The following DDB1 variants were observed in gnomAD, a reference collection of about 807,000 sequenced individuals.
DDB1 encodes the protein damage specific DNA binding protein 1, also known as DNA damage-binding protein 1.
A neutral mutation model predicts 133.1 loss-of-function variants in DDB1; 18 were observed. That is an observed-to-expected ratio of 0.14 (90% CI 0.09 to 0.20). The LOEUF is 0.20. Ranked by LOEUF, DDB1 falls within the 10% of genes least tolerant of loss-of-function variation. DDB1 has a pLI of 1.00. For missense variants in DDB1, 828 were observed against 1,459.2 expected (o/e 0.57, Z 7.05); for synonymous variants, 580 against 550.5 (o/e 1.05, Z -0.75).
At chr11:61,307,096 C>T (rs764626245) in intron 21 of DDB1, among the ~76,000 whole-genome samples, 1 of 152,232 alleles carries the variant, frequency 6.6e-6, no homozygotes, top group Non-Finnish European at 1.5e-5. Context: ...GATCCCACCT[C>T]CTTTTGCCTG....
intron 12 of DDB1, 172 bp from the exon 13 acceptor site, chr11:61,314,658 G>C: frequency 3.0e-6 from 2 of 663,420 alleles, no homozygotes; most frequent in Non-Finnish European, 4.8e-6. Flanking sequence ...ATTTTTGCAT[G>C]AATGCCTGAA....
chr11:61,309,118 C>G (rs1855920339), intron 20 of DDB1, 41 bp from the exon 21 acceptor site: 2 of 1,575,192 alleles, frequency 1.3e-6, no homozygotes, highest in East Asian at 4.5e-5. Context: ...TATGAGCCCA[C>G]ACTTTACCTC....
chr11:61,311,626 TGCC>T (rs1855972979), intron 18 of DDB1, among the ~76,000 whole-genome samples, 155 bp downstream of exon 18: 1 of 152,222 alleles, frequency 6.6e-6, no homozygotes, highest in Non-Finnish European at 1.5e-5. Context: ...GCTCACCTGT[TGCC>T]TACAGCTGCT....
rs758372418 is a variant in DDB1 at position 61,316,481 on chromosome 11, C to A, written c.1301+11G>T. The A allele has an allele frequency of 8.7e-6, 14 of 1,614,060 alleles. No individual in the cohort carries two copies. Among genetic ancestry groups the A allele is most frequent in the Non-Finnish European group, 1.2e-5 (14 of 1,180,034 alleles). ...ACCAGCACCTACAGCTGGCACTAGA[C>A]CCATCCTTACCTTGTCTGGCCCACA... On this transcript the variant is annotated intron_variant, in intron 11 of 26. Transcript: ENST00000301764.
chr11:61,317,037 T>TG (rs1437169384), intron 10 of DDB1, among the ~76,000 whole-genome samples: 2 of 133,622 alleles, frequency 1.5e-5, no homozygotes, highest in Non-Finnish European at 3.2e-5. Context: ...GGCTGGAACA[T>TG]GGAGTCCTGA....
rs537325146 is a variant in DDB1, at chr11:61,300,083, G to A, written c.*53C>T. On this transcript the variant is annotated 3_prime_UTR_variant, in exon 27 of 27. Transcript: ENST00000301764. ...GACGATGGTGGAGAGGAGGGGGAGG[G>A]CAGCAGGGCAAAGCCTTTGGGGAGG... 36 of 1,573,746 alleles carry A rather than the reference G, an allele frequency of 2.3e-5. No individual in the cohort carries two copies. In the African/African-American group the frequency reaches 4.4e-4, roughly 19 times the overall value.
chr11:61,305,178 G>T (rs1328983006), intron 21 of DDB1, among the ~76,000 whole-genome samples: 1 of 152,180 alleles, frequency 6.6e-6, no homozygotes, highest in African/African-American at 2.4e-5. Flanking sequence ...AAGAACCCTA[G>T]CTACACAGGA....
chr11:61,323,315 T>C, intron 7 of DDB1: 2 of 558,476 alleles, frequency 3.6e-6, no homozygotes, highest in Non-Finnish European at 6.4e-6. Flanking sequence ...AAATCTATAA[T>C]TTGTCTTGCA....
Position 61,332,898 on chromosome 11 carries a change from G to A in DDB1, c.61+10C>T. 6.8e-7 allele frequency: 1 copy of A among 1,480,068 alleles called. No individual in the cohort carries two copies. The highest frequency in any genetic ancestry group is 2.8e-5 in the East Asian group (1 of 35,974). 91.7% of individuals were successfully genotyped at this position (1,480,068 alleles called of 1,614,324 possible). On this transcript the variant is annotated intron_variant, in intron 1 of 26. Transcript: ENST00000301764. ...TCACTCGCCGGGGTCTCCGGCCCCG[G>A]CAGCCTCACCGGTCACGCAGCCGTT...
intron 1 of DDB1, 29 bp downstream of exon 1, chr11:61,332,879 G>T (rs1590705675): frequency 6.8e-7 from 1 of 1,462,234 alleles, no homozygotes; most frequent in Non-Finnish European, 9.1e-7. Context: ...TCCCTCACTC[G>T]CCGGGGTCTC....
In DDB1 at chr11:61,321,540, C is replaced by T; in HGVS notation, c.1225+55G>A. On this transcript the variant is annotated intron_variant, in intron 10 of 26. Transcript: ENST00000301764. ...ACCAAAACGCCTTCACAACATGTAA[C>T]AAGGCCAAAGTCCCTCATGTAAGAT... 4 of 1,557,810 alleles carry T rather than the reference C, an allele frequency of 2.6e-6. No homozygotes were observed. The South Asian group carries it at 4.5e-5, about 17-fold the overall frequency.
In DDB1 at chr11:61,312,073, G is replaced by C; in HGVS notation, c.2081C>G (p.Ala694Gly). ...SDGYPDSLAL[A>G]NNSTLTIGTI... ...GCCAATGGTGAGGGTGCTATTGTTG[G>C]CCAGCGCCAGGCTGGAAAGAAGGGT... Residue 694 changes from alanine (A) to glycine (G), a missense_variant, in exon 17 of 27, where the codon GCC (alanine) becomes GGC (glycine). By Grantham distance (60) the Ala-to-Gly change is moderately conservative (BLOSUM62 0). Around this residue, in one of 7 missense-constraint regions of DDB1, gnomAD observed 396 missense variants for 554.1 expected, o/e 0.71. Coordinates refer to ENST00000301764, the MANE Select transcript of DDB1 (RefSeq NM_001923.5). The C allele has an allele frequency of 6.2e-7, 1 of 1,614,210 alleles. No individual in the cohort carries two copies. The highest frequency in any genetic ancestry group is 8.5e-7 in the Non-Finnish European group (1 of 1,180,024).
At chr11:61,300,591 G>C (rs28720359) in intron 26 of DDB1, among the ~76,000 whole-genome samples, 46 of 152,348 alleles carry the variant, frequency 3.0e-4, no homozygotes, top group African/African-American at 1.1e-3. Context: ...AACATGGGTA[G>C]AGTTACTAGC....
chr11:61,326,964 G>T, intron 4 of DDB1, 71 bp from the exon 5 acceptor site: 2 of 1,118,334 alleles, frequency 1.8e-6, no homozygotes, highest in Non-Finnish European at 2.7e-6. Context: ...GTGCTGTAAG[G>T]AATAAGCCAC....
intron 4 of DDB1, among the ~76,000 whole-genome samples, chr11:61,329,041 T>C (rs1301819280): frequency 1.3e-5 from 2 of 152,178 alleles, no homozygotes; most frequent in African/African-American, 2.4e-5. Flanking sequence ...TAAGTTTTAA[T>C]AATCCCCTAG....
At chr11:61,312,624 GT>G (rs950118938) in intron 16 of DDB1, among the ~76,000 whole-genome samples, 4 of 147,944 alleles carry the variant, frequency 2.7e-5, no homozygotes, top group Non-Finnish European at 5.9e-5. Context: ...TTTTAAGACA[GT>G]TTTTTTTCTT....
At chr11:61,324,776 G>T (rs977664242) in intron 6 of DDB1, among the ~76,000 whole-genome samples, 2 of 152,060 alleles carry the variant, frequency 1.3e-5, no homozygotes, top group East Asian at 1.9e-4. Flanking sequence ...TGACATTTTT[G>T]ACTTTCTTAG....
At chr11:61,316,966 T>TATATAC (rs1856089857) in intron 10 of DDB1, among the ~76,000 whole-genome samples, 1 of 28,882 alleles carries the variant, frequency 3.5e-5, no homozygotes, top group African/African-American at 1.1e-4. Flanking sequence ...TATATATATA[T>TATATAC]ATATATATAT....
At chr11:61,327,340 G>A (rs764787959) in intron 4 of DDB1, among the ~76,000 whole-genome samples, 7 of 151,968 alleles carry the variant, frequency 4.6e-5, no homozygotes, top group Admixed American at 1.3e-4. Context: ...ATGGGGGCGC[G>A]TGCCTACAGT....
Sources: gnomAD v4.1 joint callset for allele counts (sites outside exome capture counted in the v4.1 genomes callset) on GRCh38, gnomAD v4.1.1 for gene constraint, gnomAD v4.1.1 regional missense constraint, MANE v1.5 for transcripts, NCBI Gene and HGNC (gene_info 2026-07-23, HGNC 2026-07-21) for gene names.